The following KCNH7 variants were observed in gnomAD, a reference collection of about 807,000 sequenced individuals.
KCNH7 encodes the protein voltage-gated inwardly rectifying potassium channel KCNH7.
KCNH7 carries 49 observed loss-of-function variants against 120.8 expected under a neutral mutation model. The observed-to-expected ratio is 0.41, with a 90% CI of 0.32 to 0.51. The LOEUF (loss-of-function observed/expected upper bound fraction) is 0.51, where lower values mean the gene tolerates loss of function less well. Among genes scored for constraint, KCNH7 ranks in the 20% least tolerant of loss-of-function variants. The pLI, the probability that KCNH7 is intolerant of heterozygous loss-of-function variation, is 0.38. For missense variants in KCNH7, 1,097 were observed against 1,446.6 expected (o/e 0.76, Z 3.92); for synonymous variants, 547 against 516.1 (o/e 1.06, Z -0.81).
chr2:162,834,410 G>C (rs1461144344), intron 2 of KCNH7, among the ~76,000 whole-genome samples: 1 of 151,924 alleles, frequency 6.6e-6, no homozygotes, highest in Non-Finnish European at 1.5e-5. Flanking sequence ...AAGCAAAATA[G>C]GTAGATTTTA....
chr2:162,568,778 T>C (rs1693352741), intron 2 of KCNH7, among the ~76,000 whole-genome samples: 1 of 152,124 alleles, frequency 6.6e-6, no homozygotes, highest in East Asian at 1.9e-4. Flanking sequence ...AAGCTTTATA[T>C]AGTAACTTCA....
intron 1 of KCNH7, 74 bp downstream of exon 1, chr2:162,838,369 C>T (rs1685735159): frequency 3.0e-6 from 4 of 1,315,654 alleles, no homozygotes; most frequent in Non-Finnish European, 4.4e-6. Context: ...GTCTCCCCAC[C>T]TTGGAAGCGG....
chr2:162,759,588 T>C (rs1688900461), intron 2 of KCNH7, among the ~76,000 whole-genome samples: 1 of 151,762 alleles, frequency 6.6e-6, no homozygotes. Flanking sequence ...CTATCACTGA[T>C]GTTGATTGGA....
chr2:162,622,672 A>G (rs1683405911), intron 2 of KCNH7, among the ~76,000 whole-genome samples: 1 of 152,034 alleles, frequency 6.6e-6, no homozygotes, highest in Non-Finnish European at 1.5e-5. Flanking sequence ...GCAATGATAA[A>G]TTTTCTAATT....
rs1437933046 is a variant in KCNH7 at position 162,807,267 on chromosome 2, A to AC, written c.307+29269_307+29270insG. ...CTCCACTAAAAATACAAAAAAAAAAAAAAAAAAAAAAAAAAACAAATTAGC... is the reference window on the plus strand; with the variant it reads ...CTCCACTAAAAATACAAAAAAAAAAACAAAAAAAAAAAAAAAACAAATTAGC... On this transcript the variant is annotated intron_variant, in intron 2 of 15. Transcript: ENST00000332142. Among the ~76,000 whole-genome samples the AC allele has an allele frequency of 5.9e-4, 81 of 136,990 alleles. 1 individual carries two copies. The South Asian group carries it at 0.015, about 25-fold the overall frequency. The allele number at this position is 136,990 out of a possible 152,430, so 89.9% of individuals were successfully genotyped here.
At chr2:162,539,909 C>G (rs114267002) in intron 2 of KCNH7, among the ~76,000 whole-genome samples, 1 of 152,050 alleles carries the variant, frequency 6.6e-6, no homozygotes, top group Non-Finnish European at 1.5e-5. Flanking sequence ...TTTTATAGAA[C>G]AGAAATATTT....
Position 162,667,560 on chromosome 2 carries a change from T to C in KCNH7, c.308-130480A>G, listed in dbSNP as rs541044321. 3.3e-5 allele frequency among the ~76,000 whole-genome samples: 5 copies of C among 152,332 alleles called. No individual in the cohort carries two copies. In the East Asian group the frequency reaches 9.7e-4, roughly 29 times the overall value. On this transcript the variant is annotated intron_variant, in intron 2 of 15. Transcript: ENST00000332142. ...CTGCTATATTTCTTTCCTCAAACAC[T>C]CAAACTAATATGTATCTCAGAACTT...
intron 2 of KCNH7, among the ~76,000 whole-genome samples, chr2:162,697,252 C>T (rs1686326346): frequency 6.6e-6 from 1 of 152,088 alleles, no homozygotes; most frequent in Non-Finnish European, 1.5e-5. Context: ...AATCCATCTG[C>T]CACCTTGCAG....
intron 2 of KCNH7, among the ~76,000 whole-genome samples, chr2:162,597,510 G>A (rs986520338): frequency 1.4e-4 from 22 of 152,056 alleles, no homozygotes; most frequent in African/African-American, 5.1e-4. Flanking sequence ...GTAGAGAGTA[G>A]AATGGTGCTT....
At chr2:162,766,864 TACACAC>T (rs200638624) in intron 2 of KCNH7, among the ~76,000 whole-genome samples, 5,678 of 141,554 alleles carry the variant, frequency 0.04, 272 homozygotes, top group African/African-American at 0.11. Flanking sequence ...CTAAGCACAT[TACACAC>T]ACACACACAC....
intron 2 of KCNH7, among the ~76,000 whole-genome samples, chr2:162,601,933 T>G (rs1173025889): frequency 6.6e-6 from 1 of 152,056 alleles, no homozygotes; most frequent in African/African-American, 2.4e-5. Flanking sequence ...TAAAAAGAAA[T>G]TATTACAAAA....
chr2:162,586,663 C>CTT (rs1468070812), intron 2 of KCNH7, among the ~76,000 whole-genome samples: 320 of 148,068 alleles, frequency 2.2e-3, no homozygotes, highest in Non-Finnish European at 4.0e-3. Flanking sequence ...CGGTTTCTTT[C>CTT]CTTTTTTTTT....
At chr2:162,635,948 G>A (rs1337885970) in intron 2 of KCNH7, among the ~76,000 whole-genome samples, 7 of 151,934 alleles carry the variant, frequency 4.6e-5, no homozygotes, top group Non-Finnish European at 7.4e-5. Context: ...TCTCTCTTAC[G>A]AATAATTCTT....
At chr2:162,775,996 C>T (rs2105481766) in intron 2 of KCNH7, among the ~76,000 whole-genome samples, 1 of 152,278 alleles carries the variant, frequency 6.6e-6, no homozygotes, top group Admixed American at 6.5e-5. Context: ...AGAGTGAATA[C>T]ATGGACTGTG....
chr2:162,838,381 G>T, intron 1 of KCNH7, 62 bp downstream of exon 1: 1 of 1,394,176 alleles, frequency 7.2e-7, no homozygotes, highest in Non-Finnish European at 1.0e-6. Flanking sequence ...TGGAAGCGGT[G>T]GACGCCAAGT....
intron 2 of KCNH7, among the ~76,000 whole-genome samples, chr2:162,628,484 G>T (rs560972426): frequency 6.6e-6 from 1 of 152,070 alleles, no homozygotes; most frequent in Non-Finnish European, 1.5e-5. Flanking sequence ...AAGCGGGTTT[G>T]TTACATAGGT....
intron 3 of KCNH7, among the ~76,000 whole-genome samples, chr2:162,536,101 C>T (rs892727390): frequency 2.0e-5 from 3 of 151,790 alleles, no homozygotes; most frequent in African/African-American, 7.2e-5. Context: ...GTGGTGAAAG[C>T]TTTTCTAATT....
At chr2:162,471,425 T>A (rs1689524655) in intron 6 of KCNH7, among the ~76,000 whole-genome samples, 1 of 152,166 alleles carries the variant, frequency 6.6e-6, no homozygotes, top group Non-Finnish European at 1.5e-5. Flanking sequence ...TGCTTGTGTG[T>A]GTGTATACAC....
chr2:162,720,899 C>A (rs1687302955), intron 2 of KCNH7, among the ~76,000 whole-genome samples: 1 of 152,134 alleles, frequency 6.6e-6, no homozygotes, highest in Non-Finnish European at 1.5e-5. Flanking sequence ...ATAACCACTA[C>A]AGGCTCTACA....
Sources: allele counts gnomAD v4.1 joint callset (sites outside exome capture counted in the v4.1 genomes callset), GRCh38; gene constraint gnomAD v4.1.1; transcripts MANE v1.5; gene names NCBI Gene and HGNC (gene_info 2026-07-23, HGNC 2026-07-21).